The following TUT4 variants were observed in gnomAD, a reference collection of about 807,000 sequenced individuals.
TUT4 encodes the protein terminal uridylyl transferase 4, also known as terminal uridylyltransferase 4.
Under a neutral mutation model 192.2 loss-of-function variants are expected in TUT4, and 36 were observed. That is an observed-to-expected ratio of 0.19 (90% CI 0.14 to 0.25). The LOEUF (loss-of-function observed/expected upper bound fraction) is 0.25, where lower values mean the gene tolerates loss of function less well. TUT4 is among the 10% of genes least tolerant of loss of function. The pLI is 1.00. For synonymous variants in TUT4, 618 were observed against 666.0 expected (o/e 0.93, Z 1.11); for missense variants, 1,493 against 1,957.2 (o/e 0.76, Z 4.47).
chr1:52,480,179 C>T (rs1668153142), intron 11 of TUT4, among the ~76,000 whole-genome samples: 1 of 151,840 alleles, frequency 6.6e-6, no homozygotes, highest in African/African-American at 2.4e-5. Flanking sequence ...AGGGAATGTA[C>T]ATACACAAGA....
Position 52,481,849 on chromosome 1 carries a change from T to C in TUT4, c.1590A>G (p.Leu530=), listed in dbSNP as rs1668550830. ...GAAGAAGAGGGGGTTTTCTCTGTTG[T>C]AGAAAAAACATCACCATTAAAGCAA... The part of the protein sequence containing the change: ...YCFALMVMFF[L]QQRKPPLLPC... Residue 530 remains leucine, a synonymous_variant, in exon 10 of 30, where the codon CTA becomes CTG. Transcript: ENST00000257177. 4 of 1,599,970 alleles carry C rather than the reference T, an allele frequency of 2.5e-6. No individual in the cohort carries two copies. The highest frequency in any genetic ancestry group is 3.4e-6 in the Non-Finnish European group (4 of 1,176,444).
intron 15 of TUT4, among the ~76,000 whole-genome samples, chr1:52,465,964 T>C (rs527447924): frequency 6.6e-6 from 1 of 152,270 alleles, no homozygotes; most frequent in Admixed American, 6.5e-5. Context: ...CACTACAGTC[T>C]TGAACTCCTT....
At chr1:52,443,988 A>G (rs1268830891) in intron 24 of TUT4, among the ~76,000 whole-genome samples, 1 of 152,246 alleles carries the variant, frequency 6.6e-6, no homozygotes, top group African/African-American at 2.4e-5. Flanking sequence ...CTGCAATCCC[A>G]GCACTTTGGG....
At chr1:52,433,561 C>G (rs1375603651) in intron 27 of TUT4, 2 of 152,136 alleles carry the variant, frequency 1.3e-5, no homozygotes, top group East Asian at 3.9e-4. Context: ...TGTTAGACAT[C>G]AGAATAGCAA....
At chr1:52,460,236 CT>C (rs1469543147) in intron 19 of TUT4, among the ~76,000 whole-genome samples, 14 of 152,272 alleles carry the variant, frequency 9.2e-5, no homozygotes, top group African/African-American at 3.4e-4. Flanking sequence ...AATCCCAGCA[CT>C]TTGGGAGGCC....
chr1:52,510,663 A>C (rs1458077511), intron 3 of TUT4, among the ~76,000 whole-genome samples: 3 of 152,232 alleles, frequency 2.0e-5, no homozygotes, highest in Non-Finnish European at 2.9e-5. Flanking sequence ...AAAACTTAGT[A>C]ATTACTGAAT....
At chr1:52,518,983 ATAT>A (rs1679450553) in intron 2 of TUT4, among the ~76,000 whole-genome samples, 1 of 152,202 alleles carries the variant, frequency 6.6e-6, no homozygotes, top group Non-Finnish European at 1.5e-5. Context: ...AAAAACTTAA[ATAT>A]AGAGTTAGCA....
intron 20 of TUT4, among the ~76,000 whole-genome samples, chr1:52,457,663 G>T (rs1661362904): frequency 6.6e-6 from 1 of 152,138 alleles, no homozygotes; most frequent in African/African-American, 2.4e-5. Context: ...ATTTGAATTG[G>T]ATCCTCCCTA....
intron 28 of TUT4, among the ~76,000 whole-genome samples, chr1:52,426,212 A>G (rs2148032203): frequency 6.6e-6 from 1 of 152,168 alleles, no homozygotes; most frequent in Middle Eastern, 3.4e-3. Context: ...CTCAAATCTC[A>G]TTTCCTAAAA....
chr1:52,429,580 T>G (rs1483365767), intron 28 of TUT4, among the ~76,000 whole-genome samples: 1 of 150,638 alleles, frequency 6.6e-6, no homozygotes, highest in Non-Finnish European at 1.5e-5. Flanking sequence ...ATATACTTTT[T>G]TTTAATTTTA....
At chr1:52,546,854 G>C (rs1688207034) in intron 1 of TUT4, among the ~76,000 whole-genome samples, 1 of 152,094 alleles carries the variant, frequency 6.6e-6, no homozygotes, top group Non-Finnish European at 1.5e-5. Flanking sequence ...GGTCTAGCCT[G>C]GGCGAGATGG....
intron 14 of TUT4, among the ~76,000 whole-genome samples, chr1:52,469,235 CTG>C (rs1665016692): frequency 6.6e-6 from 1 of 152,000 alleles, no homozygotes; most frequent in Non-Finnish European, 1.5e-5. Flanking sequence ...GTAATGTAGA[CTG>C]TGACAAAATA....
chr1:52,545,739 C>T (rs1238324872), intron 1 of TUT4, among the ~76,000 whole-genome samples: 3 of 151,826 alleles, frequency 2.0e-5, no homozygotes, highest in East Asian at 1.9e-4. Flanking sequence ...TTGGTAGGAA[C>T]GTAAAATGGT....
At chr1:52,520,522 T>C (rs1032982440) in intron 2 of TUT4, among the ~76,000 whole-genome samples, 1 of 152,172 alleles carries the variant, frequency 6.6e-6, no homozygotes, top group Admixed American at 6.5e-5. Flanking sequence ...CAAAACACTC[T>C]GGAAATGAGA....
At chr1:52,463,818 T>G in intron 16 of TUT4, 1 of 1,300,130 alleles carries the variant, frequency 7.7e-7, no homozygotes, top group Non-Finnish European at 1.0e-6. Context: ...CCACTCTTAC[T>G]GCTGAAATTG....
chr1:52,440,779 T>C (rs971477865), intron 24 of TUT4, among the ~76,000 whole-genome samples: 18 of 152,156 alleles, frequency 1.2e-4, no homozygotes, highest in African/African-American at 3.9e-4. Context: ...TGTGACAAAA[T>C]TGAAGATGTA....
At chr1:52,519,267 A>G (rs1233695921) in intron 2 of TUT4, among the ~76,000 whole-genome samples, 1 of 152,246 alleles carries the variant, frequency 6.6e-6, no homozygotes, top group African/African-American at 2.4e-5. Context: ...CAAATAAGGC[A>G]GGCACAACAG....
chr1:52,496,583 C>T (rs892932450), intron 5 of TUT4, among the ~76,000 whole-genome samples: 1 of 152,020 alleles, frequency 6.6e-6, no homozygotes, highest in African/African-American at 2.4e-5. Context: ...ATCTGACACT[C>T]CCTTGTACCA....
intron 11 of TUT4, among the ~76,000 whole-genome samples, chr1:52,479,551 G>C (rs1667950596): frequency 6.6e-6 from 1 of 152,088 alleles, no homozygotes; most frequent in Non-Finnish European, 1.5e-5. Flanking sequence ...AGAAGTAAAG[G>C]ATGACTCCAA....
Sources: gnomAD v4.1 joint callset for allele counts (sites outside exome capture counted in the v4.1 genomes callset) on GRCh38, gnomAD v4.1.1 for gene constraint, MANE v1.5 for transcripts, NCBI Gene and HGNC (gene_info 2026-07-23, HGNC 2026-07-21) for gene names.